Variants in IKBKB-DT observed in about 807,000 individuals in gnomAD.
The protein encoded by IKBKB-DT is IKBKB antisense RNA.
exon 2 of IKBKB-DT, among the ~76,000 whole-genome samples, chr8:42,265,863 A>G (rs1383864415): frequency 1.5e-5 from 2 of 135,256 alleles, no homozygotes; most frequent in Non-Finnish European, 3.0e-5. Flanking sequence ...GAGGCACAAC[A>G]GCCGGCTGGC....
chr8:42,250,263 G>T (rs1240539277), intron 3 of IKBKB-DT, among the ~76,000 whole-genome samples: 1 of 152,126 alleles, frequency 6.6e-6, no homozygotes, highest in South Asian at 2.1e-4. Context: ...TCACTTCTGG[G>T]TGGGGCCACG....
intron 3 of IKBKB-DT, among the ~76,000 whole-genome samples, chr8:42,242,453 G>A (rs1807015592): frequency 6.6e-6 from 1 of 152,160 alleles, no homozygotes; most frequent in Non-Finnish European, 1.5e-5. Context: ...ATGTTGTCAA[G>A]TGGATGTATC....
At chr8:42,254,811 C>A (rs563873586) in intron 3 of IKBKB-DT, among the ~76,000 whole-genome samples, 3 of 149,070 alleles carry the variant, frequency 2.0e-5, no homozygotes, top group Admixed American at 2.0e-4. Context: ...GCCCGGCTAC[C>A]CCATCTGGGA....
chr8:42,252,966 A>G (rs1335033694), intron 3 of IKBKB-DT, among the ~76,000 whole-genome samples: 1 of 152,230 alleles, frequency 6.6e-6, no homozygotes, highest in East Asian at 1.9e-4. Context: ...ATGGCCCTGC[A>G]AAGCTGTCCT....
chr8:42,242,605 C>T (rs1001808218), intron 3 of IKBKB-DT, among the ~76,000 whole-genome samples: 1 of 152,168 alleles, frequency 6.6e-6, no homozygotes, highest in Non-Finnish European at 1.5e-5. Context: ...TGTACAGCAA[C>T]GTCCTCCATT....
At chr8:42,263,446 C>T (rs953519097) in exon 3 of IKBKB-DT, 1 of 152,304 alleles carries the variant, frequency 6.6e-6, no homozygotes, top group African/African-American at 2.4e-5. Flanking sequence ...TTCTCCATAT[C>T]CTTTCTGTGT....
intron 1 of IKBKB-DT, among the ~76,000 whole-genome samples, chr8:42,268,985 C>G (rs1807423022): frequency 1.3e-5 from 2 of 152,090 alleles, no homozygotes; most frequent in Non-Finnish European, 2.9e-5. Context: ...TTGCTTCTGG[C>G]CTTGAGGCTG....
intron 3 of IKBKB-DT, among the ~76,000 whole-genome samples, chr8:42,238,046 A>T (rs1806947790): frequency 7.0e-6 from 1 of 141,972 alleles, no homozygotes; most frequent in African/African-American, 3.0e-5. Flanking sequence ...AAAAAAAAAA[A>T]AAAAAAAAGG....
At chr8:42,245,174 G>C (rs750843347) in intron 3 of IKBKB-DT, among the ~76,000 whole-genome samples, 3 of 152,124 alleles carry the variant, frequency 2.0e-5, no homozygotes, top group Non-Finnish European at 4.4e-5. Flanking sequence ...GGAATCGCTT[G>C]AACCCAGGAG....
chr8:42,262,897 C>T (rs911070653), intron 3 of IKBKB-DT, among the ~76,000 whole-genome samples: 1 of 152,122 alleles, frequency 6.6e-6, no homozygotes, highest in Non-Finnish European at 1.5e-5. Context: ...CACCACCATG[C>T]CTGGCTAAAT....
intron 2 of IKBKB-DT, among the ~76,000 whole-genome samples, chr8:42,264,567 CTTAAT>C (rs1265252803): frequency 3.9e-5 from 6 of 152,128 alleles, no homozygotes; most frequent in Non-Finnish European, 8.8e-5. Flanking sequence ...TTTAATTTAA[CTTAAT>C]TTAACTTTTT....
At chr8:42,234,651 A>G (rs1241100226) in intron 3 of IKBKB-DT, among the ~76,000 whole-genome samples, 1 of 151,974 alleles carries the variant, frequency 6.6e-6, no homozygotes, top group Admixed American at 6.6e-5. Context: ...ATATTTTGAG[A>G]TGGAGTCTCA....
intron 3 of IKBKB-DT, among the ~76,000 whole-genome samples, chr8:42,240,917 G>A (rs1464889168): frequency 6.6e-6 from 1 of 152,090 alleles, no homozygotes; most frequent in East Asian, 1.9e-4. Context: ...AGAGGTTGCT[G>A]TGAGCTGAGA....
intron 3 of IKBKB-DT, among the ~76,000 whole-genome samples, chr8:42,234,812 T>C (rs1806896531): frequency 6.6e-6 from 1 of 152,090 alleles, no homozygotes; most frequent in South Asian, 2.1e-4. Flanking sequence ...GTACTTTCAA[T>C]AGAGATGGCA....
intron 1 of IKBKB-DT, among the ~76,000 whole-genome samples, chr8:42,269,211 T>C (rs978606516): frequency 1.3e-5 from 2 of 150,048 alleles, no homozygotes; most frequent in Non-Finnish European, 3.0e-5. Flanking sequence ...TCTCAGCTAG[T>C]GGGGAGGCTG....
chr8:42,237,089 T>G (rs117971830), intron 3 of IKBKB-DT, among the ~76,000 whole-genome samples: 2,652 of 151,266 alleles, frequency 0.018, 39 homozygotes, highest in Non-Finnish European at 0.025. Flanking sequence ...AGTTTTTTTT[T>G]TTTGTTTGTT....
chr8:42,249,382 A>C (rs985774470), intron 3 of IKBKB-DT: 3 of 151,678 alleles, frequency 2.0e-5, no homozygotes, highest in African/African-American at 4.9e-5. Flanking sequence ...AAAAAAGACA[A>C]AATATCCCTA....
intron 3 of IKBKB-DT, among the ~76,000 whole-genome samples, chr8:42,261,761 G>C (rs193173097): frequency 6.6e-6 from 1 of 152,322 alleles, no homozygotes; most frequent in African/African-American, 2.4e-5. Context: ...CTTTGAACTA[G>C]ATTCTGACCG....
At chr8:42,247,855 G>A (rs576741417) in intron 3 of IKBKB-DT, among the ~76,000 whole-genome samples, 9 of 152,262 alleles carry the variant, frequency 5.9e-5, no homozygotes, top group Non-Finnish European at 7.4e-5. Flanking sequence ...AGCACTTTGG[G>A]AGGCTAAGGC....
Sources: gnomAD v4.1 joint callset for allele counts (sites outside exome capture counted in the v4.1 genomes callset) on GRCh38, gnomAD v4.1.1 for gene constraint, MANE v1.5 for transcripts, NCBI Gene and HGNC (gene_info 2026-07-23, HGNC 2026-07-21) for gene names.